ATG5: variants seen among roughly 807,000 people sequenced by gnomAD.
ATG5 encodes the protein autophagy protein 5.
In ATG5, 14 loss-of-function variants were observed where a neutral mutation model predicts 36.5. The ratio of observed to expected loss-of-function variants is 0.38; its 90% confidence interval spans 0.25 to 0.60. The LOEUF (loss-of-function observed/expected upper bound fraction) is 0.60. ATG5 is among the 20% of genes least tolerant of loss of function. The pLI, the probability that ATG5 is intolerant of heterozygous loss-of-function variation, is 0.60. For synonymous variants in ATG5, 95 were observed against 101.5 expected (o/e 0.94, Z 0.38); for missense variants, 195 against 326.7 (o/e 0.60, Z 3.11).
chr6:106,298,134 T>G (rs952394502), intron 3 of ATG5, among the ~76,000 whole-genome samples: 1 of 151,602 alleles, frequency 6.6e-6, no homozygotes, highest in Non-Finnish European at 1.5e-5. Context: ...CTGGCTAATG[T>G]TTGTATTTTT....
chr6:106,284,413 G>A (rs531612821), intron 4 of ATG5, among the ~76,000 whole-genome samples: 1 of 152,208 alleles, frequency 6.6e-6, no homozygotes, highest in East Asian at 1.9e-4. Flanking sequence ...CTGGGTTGCA[G>A]ACATGCCATC....
At chr6:106,214,333 G>A (rs1776960627) in intron 6 of ATG5, among the ~76,000 whole-genome samples, 1 of 152,222 alleles carries the variant, frequency 6.6e-6, no homozygotes, top group South Asian at 2.1e-4. Context: ...GAGTGGGTGG[G>A]AGTCTGTAGC....
At chr6:106,264,574 T>C (rs774108072) in intron 5 of ATG5, among the ~76,000 whole-genome samples, 1 of 152,128 alleles carries the variant, frequency 6.6e-6, no homozygotes, top group Non-Finnish European at 1.5e-5. Context: ...GGAAAAAATG[T>C]TAAGGGCAGC....
intron 6 of ATG5, among the ~76,000 whole-genome samples, chr6:106,207,313 A>G (rs895800508): frequency 6.6e-6 from 1 of 152,222 alleles, no homozygotes; most frequent in Admixed American, 6.5e-5. Context: ...TATTGAAGAA[A>G]AGCAGAAAAA....
intron 1 of ATG5, among the ~76,000 whole-genome samples, chr6:106,322,581 C>G (rs1771129216): frequency 6.6e-6 from 1 of 152,092 alleles, no homozygotes. Flanking sequence ...ACCTTGCTTT[C>G]TATTTCCTTC....
chr6:106,194,729 G>A (rs1332226005), intron 7 of ATG5, among the ~76,000 whole-genome samples: 3 of 152,020 alleles, frequency 2.0e-5, no homozygotes, highest in Non-Finnish European at 2.9e-5. Context: ...TAGAGACGGG[G>A]TTTCACCATG....
intron 6 of ATG5, among the ~76,000 whole-genome samples, chr6:106,219,269 C>T (rs1777152890): frequency 1.3e-5 from 2 of 152,112 alleles, no homozygotes; most frequent in Non-Finnish European, 2.9e-5. Context: ...TATTTCATGT[C>T]ATTTCTATTT....
Position 106,279,718 on chromosome 6 carries a change from C to T in ATG5, c.421G>A (p.Val141Ile), listed in dbSNP as rs765419687. 8.7e-6 allele frequency: 14 copies of T among 1,608,070 alleles called. No homozygotes were observed. In the East Asian group the frequency reaches 2.9e-4, roughly 33 times the overall value. The change falls in exon 5 of 8, where the codon GTA becomes ATA. Residue 141 changes from valine to isoleucine, a missense_variant. Physicochemically the swap from Val to Ile is conservative, Grantham distance 29 (BLOSUM62 3). Coordinates refer to ENST00000369076, the MANE Select transcript of ATG5 (RefSeq NM_004849.4). ...EADALKHKSQ[V>I]INEMQKKDHK... Reference sequence around the variant, plus strand: ...TCTTTTTTCTGCATTTCATTGATTACTTGACTTTTATGTTTTAAAGCATCA... The same window carrying T: ...TCTTTTTTCTGCATTTCATTGATTATTTGACTTTTATGTTTTAAAGCATCA...
intron 7 of ATG5, among the ~76,000 whole-genome samples, chr6:106,196,733 A>G (rs1776208834): frequency 1.3e-5 from 2 of 152,128 alleles, no homozygotes; most frequent in South Asian, 4.1e-4. Context: ...AAAAAAAAAA[A>G]AAAGTAGATT....
chr6:106,268,754 T>A (rs942540910), intron 5 of ATG5, among the ~76,000 whole-genome samples: 7 of 152,152 alleles, frequency 4.6e-5, no homozygotes, highest in African/African-American at 1.7e-4. Context: ...GAAGCCATTA[T>A]CCTCGGCAAA....
intron 6 of ATG5, among the ~76,000 whole-genome samples, chr6:106,233,698 T>C (rs139122763): frequency 2.5e-3 from 374 of 152,276 alleles, no homozygotes; most frequent in African/African-American, 8.5e-3. Context: ...GTGAACGGCA[T>C]ACTCACTGCT....
At chr6:106,286,285 G>A (rs1350279012) in intron 4 of ATG5, among the ~76,000 whole-genome samples, 3 of 151,780 alleles carry the variant, frequency 2.0e-5, no homozygotes, top group Non-Finnish European at 2.9e-5. Flanking sequence ...CCGTACCACC[G>A]TCAGGCAACC....
At chr6:106,285,402 A>G (rs1562255679) in intron 4 of ATG5, among the ~76,000 whole-genome samples, 1 of 152,116 alleles carries the variant, frequency 6.6e-6, no homozygotes. Flanking sequence ...GCTTATTTGC[A>G]AGTCAAGTAG....
intron 5 of ATG5, among the ~76,000 whole-genome samples, chr6:106,267,226 G>T (rs1040347312): frequency 4.6e-5 from 7 of 152,116 alleles, no homozygotes; most frequent in African/African-American, 1.7e-4. Context: ...CAAATCATGA[G>T]TGAACTCCCA....
chr6:106,282,962 A>AT (rs1395999462), intron 4 of ATG5, among the ~76,000 whole-genome samples: 13 of 150,986 alleles, frequency 8.6e-5, no homozygotes, highest in East Asian at 1.9e-4. Context: ...AATTTTTTTA[A>AT]TTTTTTTTTG....
chr6:106,297,032 T>C (rs1184088281), intron 3 of ATG5, among the ~76,000 whole-genome samples: 2 of 152,232 alleles, frequency 1.3e-5, no homozygotes, highest in Non-Finnish European at 2.9e-5. Context: ...AAATTGATCA[T>C]TTAAGTGAAA....
intron 5 of ATG5, among the ~76,000 whole-genome samples, chr6:106,275,932 A>G (rs906403315): frequency 2.0e-5 from 3 of 152,212 alleles, no homozygotes; most frequent in African/African-American, 7.2e-5. Flanking sequence ...CAACGACAAT[A>G]CATAAGTGAA....
At chr6:106,257,723 A>G (rs1562241001) in intron 5 of ATG5, among the ~76,000 whole-genome samples, 1 of 152,226 alleles carries the variant, frequency 6.6e-6, no homozygotes, top group Non-Finnish European at 1.5e-5. Flanking sequence ...TAAGCCTAAT[A>G]AGCTCCTCCA....
chr6:106,193,989 T>C (rs1254505568), intron 7 of ATG5, among the ~76,000 whole-genome samples: 1 of 152,214 alleles, frequency 6.6e-6, no homozygotes. Flanking sequence ...TCATTTAACT[T>C]CTTGAGATTA....
Sources: gnomAD v4.1 joint callset for allele counts (sites outside exome capture counted in the v4.1 genomes callset) on GRCh38, gnomAD v4.1.1 for gene constraint, MANE v1.5 for transcripts, NCBI Gene and HGNC (gene_info 2026-07-23, HGNC 2026-07-21) for gene names.